The following RBM44 variants were observed in gnomAD, a reference collection of about 807,000 sequenced individuals.
The protein encoded by RBM44 is RNA-binding protein 44.
In RBM44, 66 loss-of-function variants were observed where a neutral mutation model predicts 105.1. That is an observed-to-expected ratio of 0.63 (90% confidence interval 0.52 to 0.77). RBM44 has a LOEUF of 0.77. Among genes scored for constraint, RBM44 ranks in the 30% least tolerant of loss-of-function variants. The pLI, the probability that RBM44 is intolerant of heterozygous loss-of-function variation, is 0.00. For synonymous variants in RBM44, 365 were observed against 417.6 expected, an observed-to-expected ratio of 0.87 and a Z score of 1.54; for missense variants, 1,122 against 1,207.8, an observed-to-expected ratio of 0.93 and a Z score of 1.05.
Position 237,824,292 on chromosome 2 carries a change from C to G in RBM44, c.2322C>G (p.Asp774Glu), listed in dbSNP as rs548955547. 52 of 1,612,758 alleles carry G rather than the reference C, an allele frequency of 3.2e-5. 2 individuals are homozygous for G. In the South Asian group the frequency reaches 5.5e-4, roughly 17 times the overall value. The change falls in exon 10 of 16, where the codon GAC becomes GAG. Residue 774 changes from aspartate (D) to glutamate (E), a missense_variant and splice_region_variant. By Grantham distance (45) the Asp-to-Glu change is conservative. This residue lies in a region of RBM44 where 918 missense variants were observed against 955.3 expected (regional missense o/e 0.96). Coordinates refer to ENST00000316997, the MANE Select transcript of RBM44 (RefSeq NM_001080504.3). ...DFSQLKLGDK[D>E]CRHYQETSED... is the part of the protein sequence containing the mutation. ...AGCTCACTGTGTTGAGTGTCTTAGA[C>G]TGCAGACATTACCAAGAGACAAGCG...
At chr2:237,831,958 G>A (rs139861310) in intron 13 of RBM44, among the ~76,000 whole-genome samples, 132 of 152,084 alleles carry the variant, frequency 8.7e-4, no homozygotes, top group African/African-American at 2.5e-3. Context: ...TTCTTCTCTC[G>A]TGTAGCACAT....
In RBM44 at chr2:237,818,150, G is replaced by T; in HGVS notation, c.1231G>T (p.Ala411Ser). 1 of 1,613,030 alleles carries T rather than the reference G, an allele frequency of 6.2e-7. No homozygotes were observed. The highest frequency in any genetic ancestry group is 1.7e-4 in the Middle Eastern group (1 of 6,052). ...NTADSALDFS[A>S]MLPKIAVRDN... is the part of the protein sequence containing the mutation. ...TGCTGACTCAGCCTTAGATTTTTCT[G>T]CTATGCTACCAAAGATCGCAGTCAG... The change falls in exon 3 of 16, where the codon GCT becomes TCT. Residue 411 changes from alanine (A) to serine (S), a missense_variant. Ala to Ser is a moderately conservative substitution (Grantham distance 99, BLOSUM62 1). This residue lies in a region of RBM44 where 918 missense variants were observed against 955.3 expected (regional missense o/e 0.96). Transcript: ENST00000316997. This position sits in a 1 kb window ranked among gnomAD's most constrained non-coding sequence, Gnocchi z 4.6.
chr2:237,821,116 A>G lies in RBM44; in HGVS notation c.1959A>G (p.Leu653=), dbSNP rs1338111957. The G allele has an allele frequency of 3.1e-6, 5 of 1,606,870 alleles. No homozygotes were observed. The highest frequency in any genetic ancestry group is 2.2e-5 in the East Asian group (1 of 44,828). The part of the protein sequence containing the change: ...NSAKKELGSA[L]LSLLGDLKVR... ...CTAAGAAGGAATTGGGATCAGCACT[A>G]CTGTCTCTTTTGGGGGACTTAAAAG... The change falls in exon 6 of 16, where the codon CTA becomes CTG. Residue 653 remains leucine, a synonymous_variant. Transcript: ENST00000316997.
chr2:237,832,150 T>A (rs1049999730), intron 13 of RBM44, among the ~76,000 whole-genome samples: 2 of 151,886 alleles, frequency 1.3e-5, no homozygotes, highest in African/African-American at 4.8e-5. Context: ...ATGTTCTAAT[T>A]TCAGTCTTTT....
At chr2:237,809,655 G>A (rs2061636525) in intron 1 of RBM44, among the ~76,000 whole-genome samples, 1 of 152,114 alleles carries the variant, frequency 6.6e-6, no homozygotes, top group African/African-American at 2.4e-5. Context: ...TCAAGCAGTA[G>A]GTAATTACAT....
Position 237,818,084 on chromosome 2 carries a change from A to G in RBM44, c.1165A>G (p.Ile389Val). The change falls in exon 3 of 16, where the codon ATA becomes GTA. Residue 389 changes from isoleucine (I) to valine (V), a missense_variant. Coordinates refer to ENST00000316997, the MANE Select transcript of RBM44 (RefSeq NM_001080504.3). This position sits in a 1 kb window ranked among gnomAD's most constrained non-coding sequence, Gnocchi z 4.6. ...CTGGACCTCTGTTTTTGATGATTCGATAATTTCTGCCTGTGGATATTATGA... is the reference window on the plus strand; with the variant it reads ...CTGGACCTCTGTTTTTGATGATTCGGTAATTTCTGCCTGTGGATATTATGA... ...TSWTSVFDDS[I>V]ISACGYYESL... The G allele has an allele frequency of 6.2e-7, 1 of 1,612,796 alleles. No individual in the cohort carries two copies. The highest frequency in any genetic ancestry group is 8.5e-7 in the Non-Finnish European group (1 of 1,179,424).
chr2:237,826,513 A>G (rs55754581), intron 10 of RBM44, among the ~76,000 whole-genome samples: 19,833 of 152,060 alleles, frequency 0.13, 1,687 homozygotes, highest in East Asian at 0.41. Flanking sequence ...GCTATATATT[A>G]TAATACCTGC....
Position 237,834,151 on chromosome 2 carries a change from CA to C in RBM44, c.3032+13del, listed in dbSNP as rs2061933502. On this transcript the variant is annotated intron_variant, in intron 14 of 15. Coordinates refer to ENST00000316997, the MANE Select transcript of RBM44 (RefSeq NM_001080504.3). Reference sequence around the variant, plus strand: ...CATCCAGAAGTCAGCAGGTAATAACCAAAATTATATTTTAACTGCTTTAAAA... The same window carrying C: ...CATCCAGAAGTCAGCAGGTAATAACCAAATTATATTTTAACTGCTTTAAAA... The C allele has an allele frequency of 6.5e-7, 1 of 1,548,460 alleles. No homozygotes were observed. The highest frequency in any genetic ancestry group is 8.7e-7 in the Non-Finnish European group (1 of 1,147,878).
At chr2:237,828,246 G>A (rs748347154) in intron 12 of RBM44, among the ~76,000 whole-genome samples, 1 of 152,052 alleles carries the variant, frequency 6.6e-6, no homozygotes, top group Non-Finnish European at 1.5e-5. Flanking sequence ...AGTGATAGCT[G>A]TTTATTTCAG....
At chr2:237,821,048 T>C (rs758799611) in intron 5 of RBM44, 23 bp from the exon 6 acceptor site, 1 of 1,556,992 alleles carries the variant, frequency 6.4e-7, no homozygotes, top group South Asian at 1.2e-5. Flanking sequence ...TAATTTAGTT[T>C]TGTGCACTCA....
chr2:237,839,199 C>T (rs1053631995), intron 15 of RBM44, among the ~76,000 whole-genome samples: 15 of 152,252 alleles, frequency 9.9e-5, no homozygotes, highest in Non-Finnish European at 1.3e-4. Context: ...ATCAGAACAA[C>T]GAATCCATGT....
In RBM44 at chr2:237,804,000, G is replaced by A. The variant is rs528636082; in HGVS notation, c.-19+5139G>A. Among the ~76,000 whole-genome samples, 1 of 152,022 alleles carries A rather than the reference G, an allele frequency of 6.6e-6. No individual in the cohort carries two copies. The highest frequency in any genetic ancestry group is 2.1e-4 in the South Asian group (1 of 4,816). ...GGGTTCTGCCTCAGCCTCCCAAGTA[G>A]GTGGGACTACAAGCGTGTGCCACCA... On this transcript the variant is annotated intron_variant, in intron 1 of 15. Coordinates refer to ENST00000316997, the MANE Select transcript of RBM44 (RefSeq NM_001080504.3). This position sits in a 1 kb window ranked among gnomAD's most constrained non-coding sequence, Gnocchi z 4.2.
chr2:237,818,215 T>C lies in RBM44; in HGVS notation c.1296T>C (p.Val432=), dbSNP rs2061742682. 6.2e-7 allele frequency: 1 copy of C among 1,613,312 alleles called. No homozygotes were observed. The highest frequency in any genetic ancestry group is 1.1e-5 in the South Asian group (1 of 91,060). The change falls in exon 3 of 16, where the codon GTT becomes GTC. Residue 432 remains valine, a synonymous_variant. Coordinates refer to ENST00000316997, the MANE Select transcript of RBM44 (RefSeq NM_001080504.3). The surrounding 1 kb of genome is among the most constrained non-coding windows in gnomAD (Gnocchi z 4.6). ...TAGAAGATAATACGTCCCTAAAAGT[T>C]GCTCATAGCAGTACCACAAAGAAAA... ...QAIEDNTSLK[V]AHSSTTKKTC...
Position 237,820,363 on chromosome 2 carries a change from T to C in RBM44, c.1913+12T>C. The C allele has an allele frequency of 6.7e-7, 1 of 1,494,458 alleles. No individual in the cohort carries two copies. The highest frequency in any genetic ancestry group is 2.3e-5 in the East Asian group (1 of 42,810). The allele number at this position is 1,494,458 out of a possible 1,614,324, so 92.6% of individuals were successfully genotyped here. On this transcript the variant is annotated intron_variant, in intron 5 of 15. Coordinates refer to ENST00000316997, the MANE Select transcript of RBM44 (RefSeq NM_001080504.3). ...GAAGGATTAAATATGTGTTTATTAA[T>C]TTCAAATCTGTTTTTTCTTAGAAAT...
intron 15 of RBM44, chr2:237,834,683 T>A (rs1393747684): frequency 5.5e-6 from 1 of 183,144 alleles, no homozygotes; most frequent in Non-Finnish European, 1.1e-5. Flanking sequence ...GCCGGGTAGT[T>A]TTAGCTCAGG....
rs1432199865 is a variant in RBM44 at position 237,804,935 on chromosome 2, C to T, written c.-19+6074C>T. 7.9e-5 allele frequency among the ~76,000 whole-genome samples: 12 copies of T among 152,278 alleles called. No homozygotes were observed. The East Asian group carries it at 1.9e-3, about 24-fold the overall frequency. On this transcript the variant is annotated intron_variant, in intron 1 of 15. Transcript: ENST00000316997. ...GAACTATTCCTCCTGAGAACTGGAA[C>T]AAGACAAGGATGCTCACTTTCACCA...
Position 237,817,255 on chromosome 2 carries a change from T to G in RBM44, c.336T>G (p.Tyr112Ter). ...STDYAFLNKT[Y>*]SIPYSESKLK... ...ACTATGCTTTCTTGAATAAAACATA[T>G]TCTATACCTTATTCAGAGTCAAAAC... is the stretch of plus-strand genomic sequence containing the variant. Residue 112 changes from tyrosine (Y) to a stop codon, truncating the protein, a stop_gained, in exon 3 of 16, where the codon TAT becomes TAG. Transcript: ENST00000316997. LOFTEE classifies it high-confidence loss of function. The G allele has an allele frequency of 6.2e-7, 1 of 1,607,670 alleles. No individual in the cohort carries two copies.
intron 10 of RBM44, among the ~76,000 whole-genome samples, chr2:237,824,994 C>A (rs1188729130): frequency 6.6e-6 from 1 of 151,652 alleles, no homozygotes; most frequent in Non-Finnish European, 1.5e-5. Context: ...TTTTCCATAT[C>A]AGCATTGGTT....
intron 4 of RBM44, among the ~76,000 whole-genome samples, chr2:237,819,766 T>G (rs1272596224): frequency 1.3e-5 from 2 of 152,030 alleles, no homozygotes; most frequent in East Asian, 3.8e-4. Flanking sequence ...GTTTTAAGAA[T>G]AATTTTCATC....
Sources: gnomAD v4.1 joint callset for allele counts (sites outside exome capture counted in the v4.1 genomes callset) on GRCh38, gnomAD v4.1.1 for gene constraint, gnomAD v4.1.1 regional missense constraint, Gnocchi (gnomAD v3.1) non-coding constraint, MANE v1.5 for transcripts, NCBI Gene and HGNC (gene_info 2026-07-23, HGNC 2026-07-21) for gene names.